BANF2: variants seen among roughly 807,000 people sequenced by gnomAD.
BANF2 encodes barrier-to-autointegration factor-like protein.
Under a neutral mutation model 8.0 loss-of-function variants are expected in BANF2, and 4 were observed. The ratio of observed to expected loss-of-function variants is 0.50; its 90% CI spans 0.25 to 1.14. BANF2 has a LOEUF of 1.14. Ranked by LOEUF, BANF2 falls within the 50% of genes most tolerant of loss-of-function variation. The pLI, the probability that BANF2 is intolerant of heterozygous loss-of-function variation, is 0.16. For missense variants in BANF2, 96 were observed against 107.5 expected (o/e 0.89, Z 0.47); for synonymous variants, 50 against 40.6 (o/e 1.23, Z -0.88).
At chr20:17,728,288 C>A (rs2037839510) in intron 3 of BANF2, among the ~76,000 whole-genome samples, 1 of 152,180 alleles carries the variant, frequency 6.6e-6, no homozygotes. Flanking sequence ...CCTTTCTGCA[C>A]CCTCTCTGTG....
At chr20:17,730,253 T>A (rs1454138506) in intron 3 of BANF2, among the ~76,000 whole-genome samples, 1 of 152,098 alleles carries the variant, frequency 6.6e-6, no homozygotes, top group Non-Finnish European at 1.5e-5. Flanking sequence ...TGGAGACGCA[T>A]AGAGACCACA....
intron 1 of BANF2, among the ~76,000 whole-genome samples, chr20:17,720,269 G>T (rs1568815342): frequency 6.6e-6 from 1 of 152,228 alleles, no homozygotes. Context: ...CGTTCTCAAA[G>T]AGATATTTGT....
intron 3 of BANF2, chr20:17,731,309 A>G (rs896805038): frequency 1.3e-5 from 2 of 152,198 alleles, no homozygotes; most frequent in Admixed American, 1.3e-4. Flanking sequence ...TTAAACCTGA[A>G]ATGACATGAA....
At chr20:17,698,672 C>T (rs905250771), upstream of BANF2, among the ~76,000 whole-genome samples, 2 of 152,292 alleles carry the variant, frequency 1.3e-5, no homozygotes, top group East Asian at 1.9e-4. Context: ...AGCAAAGATA[C>T]GCAGGTACTG....
chr20:17,725,874 C>A (rs548365416), intron 3 of BANF2, among the ~76,000 whole-genome samples: 1 of 152,118 alleles, frequency 6.6e-6, no homozygotes, highest in East Asian at 1.9e-4. Flanking sequence ...GTCTACCAGG[C>A]GGGACAGTGT....
At chr20:17,706,686 G>T (rs2037486545) in intron 1 of BANF2, among the ~76,000 whole-genome samples, 1 of 152,212 alleles carries the variant, frequency 6.6e-6, no homozygotes, top group Non-Finnish European at 1.5e-5. Flanking sequence ...GTAAAGCCAA[G>T]ATCAAACACA....
chr20:17,723,345 G>T (rs1380654307), intron 2 of BANF2, among the ~76,000 whole-genome samples: 1 of 152,210 alleles, frequency 6.6e-6, no homozygotes, highest in Non-Finnish European at 1.5e-5. Flanking sequence ...GGGGGAGAGG[G>T]CTGTGGCTTG....
chr20:17,721,274 A>G (rs2037723150), intron 1 of BANF2, among the ~76,000 whole-genome samples: 1 of 152,228 alleles, frequency 6.6e-6, no homozygotes, highest in Admixed American at 6.5e-5. Context: ...GTTCTGGCCA[A>G]TGAAACTAAA....
chr20:17,717,064 AG>A, intron 1 of BANF2, among the ~76,000 whole-genome samples: 1 of 152,188 alleles, frequency 6.6e-6, no homozygotes, highest in African/African-American at 2.4e-5. Flanking sequence ...GATCATTTGA[AG>A]GGAGAAACTG....
At chr20:17,717,201 T>A (rs2037667131) in intron 1 of BANF2, among the ~76,000 whole-genome samples, 1 of 152,102 alleles carries the variant, frequency 6.6e-6, no homozygotes, top group African/African-American at 2.4e-5. Flanking sequence ...AGAGGTCCCA[T>A]CATCCTCTCA....
At position 17,716,858 on chromosome 20, in the gene BANF2, A is replaced by AG. The variant is rs1389261462; in HGVS notation, c.-166-5858_-166-5857insG. On this transcript the variant is annotated intron_variant, in intron 1 of 3. Transcript: ENST00000246090. ...CTCCATCTCAAAAAAAAAAAAAAAAAAAAGAAAGAAAGGAAGAAAGAAAAA... is the reference window on the plus strand; with the variant it reads ...CTCCATCTCAAAAAAAAAAAAAAAAAGAAAGAAAGAAAGGAAGAAAGAAAAA... Among the ~76,000 whole-genome samples, 61 of 149,898 alleles carry AG rather than the reference A, an allele frequency of 4.1e-4. No homozygotes were observed. The South Asian group carries it at 6.0e-3, about 15-fold the overall frequency.
intron 1 of BANF2, among the ~76,000 whole-genome samples, chr20:17,703,543 C>A (rs2037439466): frequency 6.6e-6 from 1 of 152,184 alleles, no homozygotes; most frequent in African/African-American, 2.4e-5. Flanking sequence ...TCTTCCAATT[C>A]TCTGGGTCTG....
intron 1 of BANF2, among the ~76,000 whole-genome samples, chr20:17,717,436 T>G (rs1321843333): frequency 6.6e-6 from 1 of 152,096 alleles, no homozygotes; most frequent in Non-Finnish European, 1.5e-5. Context: ...ATGTCAGTGC[T>G]TTGAATATAC....
intron 3 of BANF2, among the ~76,000 whole-genome samples, chr20:17,732,446 A>G (rs922300963): frequency 6.6e-6 from 1 of 152,184 alleles, no homozygotes; most frequent in Non-Finnish European, 1.5e-5. Flanking sequence ...AGCTCATGCA[A>G]TCTCCACCTC....
chr20:17,730,532 T>G (rs1169101991), intron 3 of BANF2, among the ~76,000 whole-genome samples: 1 of 152,098 alleles, frequency 6.6e-6, no homozygotes, highest in Middle Eastern at 3.2e-3. Context: ...TGCCCTCACT[T>G]CCTTACAGGC....
chr20:17,700,016 G>A lies in BANF2; in HGVS notation c.-206G>A, dbSNP rs1365961123. 1.5e-5 allele frequency: 15 copies of A among 985,344 alleles called. No individual in the cohort carries two copies. The highest frequency in any genetic ancestry group is 1.7e-5 in the African/African-American group (1 of 57,230). 61.0% of individuals were successfully genotyped at this position (985,344 alleles called of 1,614,324 possible). On this transcript the variant is annotated 5_prime_UTR_variant, in exon 1 of 4. Coordinates refer to ENST00000246090, the MANE Select transcript of BANF2 (RefSeq NM_178477.5). ...GCAGTTCCAGATCCAAGGTGACTGA[G>A]ACAAACTGCCAGCTGCCACTGGCTT...
In BANF2 at chr20:17,725,063, C is replaced by T. The variant is rs2037785313; in HGVS notation, c.38C>T (p.Ser13Phe). ...NMSPRLRAFLSEPIGEKDVCW... is the reference protein window; with the variant it reads ...NMSPRLRAFLFEPIGEKDVCW... ...TCTCCCAGGCTGAGAGCCTTCCTCTCCGAACCCATTGGAGAAAAGGATGTC... is the reference window on the plus strand; with the variant it reads ...TCTCCCAGGCTGAGAGCCTTCCTCTTCGAACCCATTGGAGAAAAGGATGTC... Residue 13 changes from serine (S) to phenylalanine (F), a missense_variant, in exon 3 of 4, where the codon TCC becomes TTC. By Grantham distance (155) the Ser-to-Phe change is radical. Coordinates refer to ENST00000246090, the MANE Select transcript of BANF2 (RefSeq NM_178477.5). 1.9e-6 allele frequency: 3 copies of T among 1,608,342 alleles called. No individual in the cohort carries two copies. In the African/African-American group the frequency reaches 4.0e-5, roughly 21 times the overall value.
intron 3 of BANF2, among the ~76,000 whole-genome samples, chr20:17,727,400 C>A (rs901823432): frequency 7.9e-5 from 12 of 152,212 alleles, no homozygotes; most frequent in Non-Finnish European, 1.6e-4. Context: ...AGGAGCAGTG[C>A]CTTGTCCGCT....
intron 1 of BANF2, among the ~76,000 whole-genome samples, chr20:17,710,416 T>C (rs1293971020): frequency 1.3e-5 from 2 of 152,166 alleles, no homozygotes; most frequent in Non-Finnish European, 2.9e-5. Context: ...TCTCTTAAAA[T>C]AGGAACAATT....
Sources: allele counts gnomAD v4.1 joint callset (sites outside exome capture counted in the v4.1 genomes callset), GRCh38; gene constraint gnomAD v4.1.1; transcripts MANE v1.5; gene names NCBI Gene and HGNC (gene_info 2026-07-23, HGNC 2026-07-21).